Variants in SMAD6 observed in about 807,000 individuals in gnomAD.
SMAD6 encodes SMAD family member 6.
SMAD6 carries 103 observed loss-of-function variants against 39.4 expected under a neutral mutation model. That is an observed-to-expected ratio of 2.62 (90% CI 2.23 to 3.08). The LOEUF is 3.08. Ranked by LOEUF, SMAD6 falls within the 30% of genes most tolerant of loss-of-function variation. The pLI, the probability that SMAD6 is intolerant of heterozygous loss-of-function variation, is 0.00. For missense variants in SMAD6, 1,104 were observed against 742.9 expected (o/e 1.49, Z -5.65); for synonymous variants, 445 against 353.3 (o/e 1.26, Z -2.91).
intron 3 of SMAD6, among the ~76,000 whole-genome samples, chr15:66,738,149 A>G (rs962910508): frequency 6.6e-6 from 1 of 152,202 alleles, no homozygotes; most frequent in Non-Finnish European, 1.5e-5. Context: ...CCTGTGGAAA[A>G]TGTACACTGA....
chr15:66,743,087 C>T (rs1893844564), intron 3 of SMAD6, among the ~76,000 whole-genome samples: 2 of 152,260 alleles, frequency 1.3e-5, no homozygotes, highest in South Asian at 4.1e-4. Flanking sequence ...TGTCACCCTG[C>T]CCTTGATGTG....
intron 3 of SMAD6, among the ~76,000 whole-genome samples, chr15:66,763,890 G>A (rs1894247027): frequency 6.6e-6 from 1 of 152,258 alleles, no homozygotes. Context: ...TGGGCATGGA[G>A]ATAACTGGGT....
chr15:66,717,037 G>T (rs1233118987), intron 3 of SMAD6: 1 of 1,289,434 alleles, frequency 7.8e-7, no homozygotes, highest in Admixed American at 2.3e-5. Flanking sequence ...GAAGCCGAGG[G>T]AACCGTGGTT....
chr15:66,703,293 G>A lies in SMAD6; in HGVS notation c.35G>A (p.Arg12Gln), dbSNP rs946785791. Residue 12 changes from arginine to glutamine, a missense_variant, in exon 1 of 4, where the codon CGA becomes CAA. By Grantham distance (43) the Arg-to-Gln change is conservative. Coordinates refer to ENST00000288840, the MANE Select transcript of SMAD6 (RefSeq NM_005585.5). The stretch of plus-strand genomic sequence containing the variant: ...TCCAAACGCTCGGGGCTGGTGCGGC[G>A]ACTTTGGCGAAGTCGTGTGGTCCCC... ...FRSKRSGLVR[R>Q]LWRSRVVPDR... The A allele has an allele frequency of 7.1e-5, 106 of 1,490,932 alleles. No individual in the cohort carries two copies. Among genetic ancestry groups the A allele is most frequent in the Non-Finnish European group, 8.1e-5 (91 of 1,120,040 alleles). 92.4% of individuals were successfully genotyped at this position (1,490,932 alleles called of 1,614,324 possible). A position where few individuals can be genotyped will look rare whatever the true frequency, so the allele number is the denominator to read the frequency against.
chr15:66,727,576 G>A (rs1052202844), intron 3 of SMAD6, among the ~76,000 whole-genome samples: 1 of 152,202 alleles, frequency 6.6e-6, no homozygotes, highest in Non-Finnish European at 1.5e-5. Context: ...TTCTGGGAAT[G>A]GGGAGTGATT....
intron 1 of SMAD6, chr15:66,706,390 G>C (rs1002309780): frequency 6.6e-6 from 1 of 152,340 alleles, no homozygotes; most frequent in African/African-American, 2.4e-5. Flanking sequence ...CTGCTAGCCT[G>C]TGGGGCCCCC....
intron 3 of SMAD6, among the ~76,000 whole-genome samples, chr15:66,722,241 C>G (rs770678094): frequency 1.3e-5 from 2 of 152,228 alleles, no homozygotes; most frequent in African/African-American, 2.4e-5. Context: ...TGACGATGCT[C>G]AAGCCTGTCA....
Position 66,748,548 on chromosome 15 carries a change from G to A in SMAD6, c.952+32050G>A, listed in dbSNP as rs75622762. Reference sequence around the variant, plus strand: ...TGAGAAATTCAAGGAATGCACAAACGTTTCAGTGATTTAGTATGAGAAAAC... The same window carrying A: ...TGAGAAATTCAAGGAATGCACAAACATTTCAGTGATTTAGTATGAGAAAAC... On this transcript the variant is annotated intron_variant, in intron 3 of 3. Transcript: ENST00000288840. Among the ~76,000 whole-genome samples the A allele has an allele frequency of 7.5e-3, 1,139 of 152,236 alleles. 25 individuals are homozygous for A. In the East Asian group the frequency reaches 0.077, roughly 10 times the overall value.
At chr15:66,732,491 C>T (rs987112814) in intron 3 of SMAD6, among the ~76,000 whole-genome samples, 1 of 152,114 alleles carries the variant, frequency 6.6e-6, no homozygotes, top group East Asian at 1.9e-4. Flanking sequence ...GATGTGACTA[C>T]AGCTGTGTCC....
intron 2 of SMAD6, among the ~76,000 whole-genome samples, chr15:66,712,622 T>C (rs563859156): frequency 1.3e-5 from 2 of 149,300 alleles, no homozygotes; most frequent in South Asian, 2.1e-4. Flanking sequence ...ACCTGGGAGG[T>C]TGCAGTGAGC....
rs551939641 is a variant in SMAD6, at chr15:66,707,352, G to A, written c.817+3277G>A. ...CGCCCGGGGAAGAGAGACAGAGCGAGAGAGAGAGAACTTCTAAACGACTGG... is the reference window on the plus strand; with the variant it reads ...CGCCCGGGGAAGAGAGACAGAGCGAAAGAGAGAGAACTTCTAAACGACTGG... On this transcript the variant is annotated intron_variant, in intron 1 of 3. Coordinates refer to ENST00000288840, the MANE Select transcript of SMAD6 (RefSeq NM_005585.5). 5 of 152,158 alleles carry A rather than the reference G, an allele frequency of 3.3e-5. No individual in the cohort carries two copies. The East Asian group carries it at 5.8e-4, about 18-fold the overall frequency. The allele number at this position is 152,158 out of a possible 1,614,324, so 9.4% of individuals were successfully genotyped here. A position where few individuals can be genotyped will look rare whatever the true frequency, so the allele number is the denominator to read the frequency against.
intron 3 of SMAD6, among the ~76,000 whole-genome samples, chr15:66,731,011 T>G (rs7176276): frequency 0.02 from 2,937 of 150,244 alleles, 101 homozygotes; most frequent in African/African-American, 0.067. Flanking sequence ...GAGCTTGTTG[T>G]TTTTGTTTTG....
At position 66,781,409 on chromosome 15, in the gene SMAD6, C is replaced by T. The variant is rs1351701797; in HGVS notation, c.1365C>T (p.Ala455=). ...AGCACGCGCCCGAGCCCGACGCCGC[C>T]GACGGCCCCTACGACCCCAACAGCG... ...GLQHAPEPDA[A]DGPYDPNSVR... The change falls in exon 4 of 4, where the codon GCC becomes GCT. Residue 455 remains alanine (A), a synonymous_variant. Coordinates refer to ENST00000288840, the MANE Select transcript of SMAD6 (RefSeq NM_005585.5). 6.2e-6 allele frequency: 10 copies of T among 1,603,788 alleles called. No individual in the cohort carries two copies. Among genetic ancestry groups the T allele is most frequent in the African/African-American group, 5.3e-5 (4 of 74,780 alleles).
intron 3 of SMAD6, among the ~76,000 whole-genome samples, chr15:66,724,313 A>AAT (rs1349879471): frequency 2.5e-4 from 30 of 118,444 alleles, no homozygotes; most frequent in African/African-American, 9.3e-4. Context: ...AATGAATGAA[A>AAT]ATGAATGAAT....
rs771461906 is a variant in SMAD6, at chr15:66,704,111, C to A, written c.817+36C>A. 2.9e-6 allele frequency: 4 copies of A among 1,377,130 alleles called. No individual in the cohort carries two copies. The African/African-American group carries it at 4.6e-5, about 16-fold the overall frequency. 85.3% of individuals were successfully genotyped at this position (1,377,130 alleles called of 1,614,324 possible). Reference sequence around the variant, plus strand: ...TGCGCCGGCCGGGGGGGCCCCGGGTCCCCGTCCCCATCCCCTTCCGTGCCC... The same window carrying A: ...TGCGCCGGCCGGGGGGGCCCCGGGTACCCGTCCCCATCCCCTTCCGTGCCC... On this transcript the variant is annotated intron_variant, in intron 1 of 3. Transcript: ENST00000288840.
At chr15:66,728,556 GCCA>G (rs1893565074) in intron 3 of SMAD6, among the ~76,000 whole-genome samples, 1 of 151,884 alleles carries the variant, frequency 6.6e-6, no homozygotes, top group African/African-American at 2.4e-5. Flanking sequence ...ACAGGAGCAT[GCCA>G]CCACACCCAG....
chr15:66,773,042 G>C (rs987508243), intron 3 of SMAD6, among the ~76,000 whole-genome samples: 5 of 152,194 alleles, frequency 3.3e-5, no homozygotes, highest in Non-Finnish European at 5.9e-5. Flanking sequence ...GCAGCTGCCT[G>C]GAGGGTGGTG....
chr15:66,743,419 T>C (rs1484913094), intron 3 of SMAD6, among the ~76,000 whole-genome samples: 1 of 151,842 alleles, frequency 6.6e-6, no homozygotes, highest in Non-Finnish European at 1.5e-5. Flanking sequence ...GAAAAAGCTT[T>C]TGTGAGTGTA....
intron 3 of SMAD6, among the ~76,000 whole-genome samples, chr15:66,742,110 T>G (rs1342844447): frequency 1.9e-4 from 29 of 152,156 alleles, no homozygotes; most frequent in Admixed American, 1.9e-3. Flanking sequence ...AGTCACTTAC[T>G]CAGAGCTAGT....
Sources: allele counts gnomAD v4.1 joint callset (sites outside exome capture counted in the v4.1 genomes callset), GRCh38; gene constraint gnomAD v4.1.1; transcripts MANE v1.5; gene names NCBI Gene and HGNC (gene_info 2026-07-23, HGNC 2026-07-21).